MAGI2: variants seen among roughly 807,000 people sequenced by gnomAD.
The protein encoded by MAGI2 is membrane associated guanylate kinase, WW and PDZ domain containing 2.
Under a neutral mutation model 133.3 loss-of-function variants are expected in MAGI2, and 35 were observed. The ratio of observed to expected loss-of-function variants is 0.26; its 90% CI spans 0.20 to 0.35. The LOEUF is 0.35. MAGI2 is among the 10% of genes least tolerant of loss of function. The pLI is 1.00. For synonymous variants in MAGI2, 729 were observed against 710.6 expected, an observed-to-expected ratio of 1.03 and a Z score of -0.41; for missense variants, 1,636 against 1,863.4, an observed-to-expected ratio of 0.88 and a Z score of 2.25.
chr7:78,676,949 CAG>C lies in MAGI2; in HGVS notation c.419-49712_419-49711del, dbSNP rs1050599186. ...TTTATGCTCCATGTAGTACTCATGA[CAG>C]GGGATGAAAAGGCCTGTTAGGCTGT... On this transcript the variant is annotated intron_variant, in intron 2 of 21. Coordinates refer to ENST00000354212, the MANE Select transcript of MAGI2 (RefSeq NM_012301.4). 4.6e-5 allele frequency among the ~76,000 whole-genome samples: 7 copies of C among 152,094 alleles called. No individual in the cohort carries two copies. In the South Asian group the frequency reaches 1.0e-3, roughly 23 times the overall value.
intron 2 of MAGI2, among the ~76,000 whole-genome samples, chr7:78,956,190 A>C (rs1457389270): frequency 6.6e-6 from 1 of 152,150 alleles, no homozygotes; most frequent in East Asian, 1.9e-4. Context: ...GCAATGTCTG[A>C]AACCAGGAGG....
intron 10 of MAGI2, among the ~76,000 whole-genome samples, chr7:78,209,636 T>G (rs1341156175): frequency 6.6e-6 from 1 of 152,110 alleles, no homozygotes; most frequent in Non-Finnish European, 1.5e-5. Flanking sequence ...CTCCGAAATC[T>G]ATTTCAAATC....
At chr7:78,876,147 C>T (rs564440505) in intron 2 of MAGI2, among the ~76,000 whole-genome samples, 57 of 151,630 alleles carry the variant, frequency 3.8e-4, no homozygotes, top group African/African-American at 1.3e-3. Flanking sequence ...ATGGTGAAAC[C>T]CTGTCTCTAC....
At position 79,226,490 on chromosome 7, in the gene MAGI2, GC is replaced by G. The variant is rs577629029; in HGVS notation, c.302-219285del. ...CCCATAACAAATAGCATAAAAACTG[GC>G]TTCTAACATGAAAATATCTAATAGA... On this transcript the variant is annotated intron_variant, in intron 1 of 21. Transcript: ENST00000354212. Among the ~76,000 whole-genome samples the G allele has an allele frequency of 3.9e-5, 6 of 152,146 alleles. No homozygotes were observed. In the East Asian group the frequency reaches 1.2e-3, roughly 29 times the overall value.
chr7:78,895,410 C>T (rs1799016), intron 2 of MAGI2, among the ~76,000 whole-genome samples: 78,734 of 151,882 alleles, frequency 0.52, 22,020 homozygotes, highest in South Asian at 0.69. Context: ...CAGCATCTAA[C>T]ATATATATTT....
intron 2 of MAGI2, among the ~76,000 whole-genome samples, chr7:78,769,086 T>C (rs1359160006): frequency 6.6e-6 from 1 of 152,140 alleles, no homozygotes; most frequent in Non-Finnish European, 1.5e-5. Context: ...GTACAGGAAT[T>C]CTTTAATAAG....
At chr7:78,180,606 T>A (rs3779283) in intron 13 of MAGI2, among the ~76,000 whole-genome samples, 42,175 of 151,960 alleles carry the variant, frequency 0.28, 6,351 homozygotes, top group South Asian at 0.36. Context: ...CCTGCTCTTC[T>A]TGCACATTTT....
At position 78,114,693 on chromosome 7, in the gene MAGI2, G is replaced by A. The variant is rs533293881; in HGVS notation, c.3567+11001C>T. Among the ~76,000 whole-genome samples, 568 of 152,304 alleles carry A rather than the reference G, an allele frequency of 3.7e-3. 2 individuals carry two copies. The highest frequency in any genetic ancestry group is 0.013 in the African/African-American group (534 of 41,568). On this transcript the variant is annotated intron_variant, in intron 20 of 21. Transcript: ENST00000354212. ...ATGCTTCTCTGTGCCCGGGACCCAGGAGTGCATGAGGGAGCCCTAGGGATC... is the reference window on the plus strand; with the variant it reads ...ATGCTTCTCTGTGCCCGGGACCCAGAAGTGCATGAGGGAGCCCTAGGGATC...
At chr7:78,332,516 G>C (rs775604991) in intron 9 of MAGI2, among the ~76,000 whole-genome samples, 1 of 151,956 alleles carries the variant, frequency 6.6e-6, no homozygotes, top group Non-Finnish European at 1.5e-5. Context: ...GGCTAAAATG[G>C]TGAAATCCCA....
chr7:78,354,444 G>A (rs911265710), intron 7 of MAGI2, among the ~76,000 whole-genome samples: 1 of 152,126 alleles, frequency 6.6e-6, no homozygotes, highest in African/African-American at 2.4e-5. Flanking sequence ...CCGGGCAATG[G>A]CAAAGGCAAC....
At chr7:78,897,988 A>T (rs1206888228) in intron 2 of MAGI2, among the ~76,000 whole-genome samples, 1 of 152,350 alleles carries the variant, frequency 6.6e-6, no homozygotes, top group Admixed American at 6.5e-5. Context: ...ACTTAAATTT[A>T]TAAGAAAAAT....
At chr7:78,404,172 CACAA>C (rs1797160270) in intron 6 of MAGI2, among the ~76,000 whole-genome samples, 2 of 152,058 alleles carry the variant, frequency 1.3e-5, no homozygotes, top group South Asian at 4.1e-4. Flanking sequence ...TAAAAGAGGA[CACAA>C]ACAAATAGAA....
At chr7:78,976,046 A>G (rs1270453365) in intron 2 of MAGI2, among the ~76,000 whole-genome samples, 3 of 151,698 alleles carry the variant, frequency 2.0e-5, no homozygotes, top group African/African-American at 7.2e-5. Context: ...TGAAAAAACC[A>G]GATTAGTCCA....
intron 1 of MAGI2, among the ~76,000 whole-genome samples, chr7:79,069,760 G>A (rs1814766400): frequency 6.6e-6 from 1 of 152,130 alleles, no homozygotes. Context: ...TCCTTTCGAT[G>A]TTTACTGCTT....
At chr7:78,249,569 A>G (rs1213886381) in intron 10 of MAGI2, among the ~76,000 whole-genome samples, 1 of 152,142 alleles carries the variant, frequency 6.6e-6, no homozygotes, top group East Asian at 1.9e-4. Context: ...CAACATGAAT[A>G]AACCTGGAGG....
At chr7:78,382,336 C>T (rs1215369381) in intron 6 of MAGI2, among the ~76,000 whole-genome samples, 2 of 141,106 alleles carry the variant, frequency 1.4e-5, no homozygotes, top group Admixed American at 1.5e-4. Flanking sequence ...CATTAATACT[C>T]ATGCTCTCTT....
At position 78,720,152 on chromosome 7, in the gene MAGI2, A is replaced by T. The variant is rs890795015; in HGVS notation, c.419-92913T>A. ...ATATATCTAATTAACTATATATAAA[A>T]TTACAAATAAATCCTGCCTTCCTAA... On this transcript the variant is annotated intron_variant, in intron 2 of 21. Transcript: ENST00000354212. Among the ~76,000 whole-genome samples the T allele has an allele frequency of 6.6e-5, 10 of 152,286 alleles. 1 individual carries two copies. The South Asian group carries it at 2.1e-3, about 32-fold the overall frequency.
At chr7:78,026,262 T>C (rs1277027984) in intron 21 of MAGI2, among the ~76,000 whole-genome samples, 1 of 152,258 alleles carries the variant, frequency 6.6e-6, no homozygotes. Flanking sequence ...CTTCACTTCA[T>C]ATGCCAGAAA....
rs909630153 is a variant in MAGI2, at chr7:79,189,889, A to G, written c.302-182683T>C. 9.9e-5 allele frequency among the ~76,000 whole-genome samples: 15 copies of G among 151,752 alleles called. 1 individual carries two copies. Among genetic ancestry groups the G allele is most frequent in the African/African-American group, 3.6e-4 (15 of 41,250 alleles). On this transcript the variant is annotated intron_variant, in intron 1 of 21. Transcript: ENST00000354212. ...GAATCATAAAGTATGCAATCTTTTCAGATTTTCTTCTTTTACTTAGTAATA... is the reference window on the plus strand; with the variant it reads ...GAATCATAAAGTATGCAATCTTTTCGGATTTTCTTCTTTTACTTAGTAATA...
Sources: gnomAD v4.1 joint callset for allele counts (sites outside exome capture counted in the v4.1 genomes callset) on GRCh38, gnomAD v4.1.1 for gene constraint, MANE v1.5 for transcripts, NCBI Gene and HGNC (gene_info 2026-07-23, HGNC 2026-07-21) for gene names.